Variants in MED13L observed in about 807,000 individuals in gnomAD.
The protein encoded by MED13L is mediator complex subunit 13L.
In MED13L, 7 loss-of-function variants were observed where a neutral mutation model predicts 220.9. The observed-to-expected ratio is 0.03, with a 90% confidence interval of 0.02 to 0.06. The LOEUF is 0.06. Among genes scored for constraint, MED13L ranks in the 10% least tolerant of loss-of-function variants. MED13L has a pLI of 1.00. For synonymous variants in MED13L, 1,011 were observed against 1,015.2 expected (o/e 1.00, Z 0.08); for missense variants, 1,965 against 2,760.5 (o/e 0.71, Z 6.46).
chr12:116,241,190 A>C (rs1161259434), intron 1 of MED13L, among the ~76,000 whole-genome samples: 1 of 151,850 alleles, frequency 6.6e-6, no homozygotes, highest in Admixed American at 6.6e-5. Context: ...CTGTAATCCC[A>C]GCTACTTGGG....
chr12:116,103,999 CTTTTTTTTTTTTTTTT>C, intron 3 of MED13L, among the ~76,000 whole-genome samples: 1 of 57,464 alleles, frequency 1.7e-5, no homozygotes, highest in African/African-American at 7.7e-5. Flanking sequence ...GGACATTGCT[CTTTTTTTTTTTTTTTT>C]TTTTTTTTTT....
At chr12:116,070,789 A>G (rs1381896476) in intron 4 of MED13L, among the ~76,000 whole-genome samples, 2 of 152,184 alleles carry the variant, frequency 1.3e-5, no homozygotes, top group South Asian at 4.1e-4. Flanking sequence ...TAATGCTACC[A>G]CTTTAGGAAT....
intron 2 of MED13L, among the ~76,000 whole-genome samples, chr12:116,112,985 C>G (rs907227972): frequency 6.6e-6 from 1 of 152,216 alleles, no homozygotes; most frequent in Non-Finnish European, 1.5e-5. Flanking sequence ...ACTATAACAT[C>G]ATTCCTATCA....
chr12:116,022,233 A>G (rs752011619), intron 5 of MED13L, among the ~76,000 whole-genome samples: 3 of 152,246 alleles, frequency 2.0e-5, no homozygotes, highest in Non-Finnish European at 2.9e-5. Context: ...GAATACACAT[A>G]AGACCATCTT....
At chr12:115,995,224 T>C (rs1878322429) in intron 16 of MED13L, among the ~76,000 whole-genome samples, 1 of 152,154 alleles carries the variant, frequency 6.6e-6, no homozygotes, top group South Asian at 2.1e-4. Flanking sequence ...CAAATTTGTT[T>C]TATTGGTTCC....
chr12:116,085,574 C>A (rs1371590266), intron 4 of MED13L, among the ~76,000 whole-genome samples: 2 of 151,890 alleles, frequency 1.3e-5, no homozygotes, highest in Admixed American at 6.6e-5. Context: ...TCAGTTTAAT[C>A]CAACCTTTTG....
chr12:116,123,596 G>A (rs2137965431), intron 2 of MED13L, among the ~76,000 whole-genome samples: 1 of 152,096 alleles, frequency 6.6e-6, no homozygotes, highest in Non-Finnish European at 1.5e-5. Flanking sequence ...GCACACAGAA[G>A]CTTGCTACTA....
intron 23 of MED13L, among the ~76,000 whole-genome samples, chr12:115,976,687 A>G (rs966811698): frequency 1.3e-5 from 2 of 152,214 alleles, no homozygotes; most frequent in Non-Finnish European, 2.9e-5. Context: ...GTTGTTACCA[A>G]ATATAAATAT....
chr12:116,271,347 T>C (rs1214565552), intron 1 of MED13L, among the ~76,000 whole-genome samples: 1 of 151,898 alleles, frequency 6.6e-6, no homozygotes, highest in Non-Finnish European at 1.5e-5. Context: ...TCCCAGCACT[T>C]TGGGAGGCCG....
At chr12:116,007,116 G>T in intron 11 of MED13L, 1 of 417,276 alleles carries the variant, frequency 2.4e-6, no homozygotes, top group Non-Finnish European at 4.4e-6. Context: ...AAAAGAAATA[G>T]GGAGCATAGG....
intron 2 of MED13L, among the ~76,000 whole-genome samples, chr12:116,176,546 G>C (rs1880076942): frequency 6.6e-6 from 1 of 152,180 alleles, no homozygotes; most frequent in Admixed American, 6.5e-5. Context: ...CAGGGCCTTT[G>C]ACTGTAGTCT....
At chr12:116,031,746 AAAAGAAAAGAAAAGAAGGAAGGAAGG>A (rs1880824527) in intron 4 of MED13L, among the ~76,000 whole-genome samples, 2 of 49,862 alleles carry the variant, frequency 4.0e-5, no homozygotes, top group South Asian at 1.4e-3. Context: ...AAAAGAAAAG[AAAAGAAAAGAAAAGAAGGAAGGAAGG>A]AAGGAAGGAA....
At chr12:116,231,227 CAAA>C in intron 2 of MED13L, among the ~76,000 whole-genome samples, 1 of 152,250 alleles carries the variant, frequency 6.6e-6, no homozygotes, top group Non-Finnish European at 1.5e-5. Flanking sequence ...TTAACAATTA[CAAA>C]AGGAAAGGAT....
At chr12:116,179,501 C>A (rs1396210086) in intron 2 of MED13L, among the ~76,000 whole-genome samples, 2 of 151,920 alleles carry the variant, frequency 1.3e-5, no homozygotes, top group African/African-American at 4.8e-5. Context: ...TCTGTAGTCC[C>A]AGCTACTTGG....
chr12:116,061,065 A>G (rs1869433409), intron 4 of MED13L, among the ~76,000 whole-genome samples: 1 of 152,176 alleles, frequency 6.6e-6, no homozygotes, highest in South Asian at 2.1e-4. Flanking sequence ...ATTAAGTTAA[A>G]TGCTTCTATA....
intron 2 of MED13L, among the ~76,000 whole-genome samples, chr12:116,183,803 G>GGTGTGTGTGT (rs66691805): frequency 0.024 from 2,630 of 110,088 alleles, 33 homozygotes; most frequent in East Asian, 0.051. Flanking sequence ...TAGAAAAAAT[G>GGTGTGTGTGT]GTGTGTGTGT....
chr12:116,171,231 TCAAA>T (rs1879661791), intron 2 of MED13L, among the ~76,000 whole-genome samples: 2 of 152,120 alleles, frequency 1.3e-5, no homozygotes, highest in African/African-American at 2.4e-5. Context: ...CAAGGGAGTA[TCAAA>T]CAAACAGAAA....
intron 1 of MED13L, 37 bp downstream of exon 1, chr12:116,277,023 C>CAA: frequency 7.4e-7 from 1 of 1,345,882 alleles, no homozygotes; most frequent in Non-Finnish European, 1.0e-6. Flanking sequence ...CCCCCCCTTC[C>CAA]CCGGCACAGC....
intron 1 of MED13L, among the ~76,000 whole-genome samples, chr12:116,266,426 G>A (rs1872833853): frequency 6.6e-6 from 1 of 152,090 alleles, no homozygotes; most frequent in Admixed American, 6.5e-5. Flanking sequence ...CTTCAAAACT[G>A]CTGCTCTTCC....
Sources: gnomAD v4.1 joint callset for allele counts (sites outside exome capture counted in the v4.1 genomes callset) on GRCh38, gnomAD v4.1.1 for gene constraint, MANE v1.5 for transcripts, NCBI Gene and HGNC (gene_info 2026-07-23, HGNC 2026-07-21) for gene names.